Variants in WDFY4 observed in about 807,000 individuals in gnomAD.
WDFY4 encodes the protein WDFY family member 4.
In WDFY4, 169 loss-of-function variants were observed where a neutral mutation model predicts 351.9. The ratio of observed to expected loss-of-function variants is 0.48; its 90% CI spans 0.42 to 0.55. The LOEUF (loss-of-function observed/expected upper bound fraction) is 0.55. WDFY4 is among the 20% of genes least tolerant of loss of function. The pLI, the probability that WDFY4 is intolerant of heterozygous loss-of-function variation, is 0.00. For synonymous variants in WDFY4, 1,622 were observed against 1,574.6 expected (o/e 1.03, Z -0.71); for missense variants, 3,803 against 3,935.6 (o/e 0.97, Z 0.90).
At chr10:48,685,871 G>T (rs1045965022) in intron 1 of WDFY4, among the ~76,000 whole-genome samples, 2 of 145,608 alleles carry the variant, frequency 1.4e-5, no homozygotes, top group African/African-American at 5.0e-5. Context: ...GCGGACAGGG[G>T]TCTACGGTGC....
chr10:48,737,700 A>G (rs986644585), intron 11 of WDFY4, among the ~76,000 whole-genome samples: 3 of 152,386 alleles, frequency 2.0e-5, no homozygotes, highest in South Asian at 2.1e-4. Context: ...TACGAAACAA[A>G]AAAAGGAAAG....
In WDFY4 at chr10:48,982,503, C is replaced by T; in HGVS notation, c.9489-6C>T. The T allele has an allele frequency of 6.6e-7, 1 of 1,504,678 alleles. No individual in the cohort carries two copies. The highest frequency in any genetic ancestry group is 8.9e-7 in the Non-Finnish European group (1 of 1,121,950). The allele number at this position is 1,504,678 out of a possible 1,614,324, so 93.2% of individuals were successfully genotyped here. On this transcript the variant is annotated splice_polypyrimidine_tract_variant and splice_region_variant and intron_variant, in intron 61 of 61. Transcript: ENST00000325239. ...AACGTTCTTGTCTTTTCTTTCTCTT[C>T]CCAAGAAACCACACCAAACTCCTGG...
At chr10:48,694,434 C>T (rs1280430381) in intron 1 of WDFY4, among the ~76,000 whole-genome samples, 1 of 152,150 alleles carries the variant, frequency 6.6e-6, no homozygotes, top group Non-Finnish European at 1.5e-5. Flanking sequence ...CTCCAAAGCC[C>T]CTGCTTCTGT....
At chr10:48,687,526 G>A (rs1247454298) in intron 1 of WDFY4, among the ~76,000 whole-genome samples, 6 of 151,888 alleles carry the variant, frequency 4.0e-5, no homozygotes, top group African/African-American at 1.2e-4. Context: ...TGTGTATGGC[G>A]TGAGGTGGGA....
intron 30 of WDFY4, 65 bp downstream of exon 30, chr10:48,811,773 G>C: frequency 2.0e-6 from 3 of 1,497,940 alleles, no homozygotes; most frequent in Non-Finnish European, 2.7e-6. Context: ...ACTAAGGCAG[G>C]TCGCCAAGAC....
At chr10:48,811,744 G>T in intron 30 of WDFY4, 36 bp downstream of exon 30, 1 of 1,543,784 alleles carries the variant, frequency 6.5e-7, no homozygotes, top group Non-Finnish European at 8.8e-7. Flanking sequence ...TGACACACTT[G>T]GTTTTCTGAT....
intron 23 of WDFY4, among the ~76,000 whole-genome samples, chr10:48,791,164 A>G (rs2066665629): frequency 6.6e-6 from 1 of 152,244 alleles, no homozygotes; most frequent in Admixed American, 6.5e-5. Context: ...CTTTTCACTG[A>G]CAAATTCTAA....
chr10:48,766,158 A>G (rs2065663984), intron 13 of WDFY4, among the ~76,000 whole-genome samples: 1 of 152,228 alleles, frequency 6.6e-6, no homozygotes, highest in Non-Finnish European at 1.5e-5. Flanking sequence ...AACACATTGG[A>G]CATCCCAAAT....
intron 39 of WDFY4, among the ~76,000 whole-genome samples, chr10:48,834,850 G>C (rs1002831627): frequency 2.6e-5 from 4 of 152,118 alleles, no homozygotes; most frequent in African/African-American, 9.7e-5. Flanking sequence ...AGCTGCCTCC[G>C]AGTCCTGGGG....
chr10:48,852,222 G>T (rs1001257421), intron 39 of WDFY4, among the ~76,000 whole-genome samples: 1 of 152,134 alleles, frequency 6.6e-6, no homozygotes, highest in East Asian at 1.9e-4. Context: ...GAGATACACC[G>T]GGTGGAAATA....
At chr10:48,917,077 G>C (rs1838618495) in intron 47 of WDFY4, among the ~76,000 whole-genome samples, 1 of 152,112 alleles carries the variant, frequency 6.6e-6, no homozygotes, top group South Asian at 2.1e-4. Flanking sequence ...ACAGTAACAT[G>C]CTGTACAGGT....
At chr10:48,919,960 G>C (rs1838905183) in intron 47 of WDFY4, among the ~76,000 whole-genome samples, 2 of 152,118 alleles carry the variant, frequency 1.3e-5, no homozygotes, top group African/African-American at 4.8e-5. Flanking sequence ...ATAAGAAAGA[G>C]ATCTTCAGAC....
intron 39 of WDFY4, among the ~76,000 whole-genome samples, chr10:48,857,899 C>T (rs1227144335): frequency 6.6e-6 from 1 of 152,036 alleles, no homozygotes; most frequent in East Asian, 1.9e-4. Context: ...ACAAGCGATT[C>T]TCCTGCCTCA....
chr10:48,843,872 T>C (rs777640363), intron 39 of WDFY4, among the ~76,000 whole-genome samples: 2 of 152,114 alleles, frequency 1.3e-5, no homozygotes, highest in Non-Finnish European at 2.9e-5. Flanking sequence ...TTTTGTGTAT[T>C]CATCTAAATT....
intron 54 of WDFY4, among the ~76,000 whole-genome samples, chr10:48,966,039 C>T (rs1010881402): frequency 9.2e-5 from 14 of 151,984 alleles, no homozygotes; most frequent in African/African-American, 3.1e-4. Flanking sequence ...ATGGGATTTG[C>T]CTGTGTTCTT....
At chr10:48,917,589 A>G (rs956902334) in intron 47 of WDFY4, among the ~76,000 whole-genome samples, 3 of 152,250 alleles carry the variant, frequency 2.0e-5, no homozygotes, top group South Asian at 2.1e-4. Flanking sequence ...TGCTGGAAAC[A>G]TCATTTTTAA....
intron 39 of WDFY4, among the ~76,000 whole-genome samples, chr10:48,835,395 A>G (rs1437305112): frequency 6.6e-6 from 1 of 152,180 alleles, no homozygotes. Flanking sequence ...GCTCTGGGAA[A>G]GAGGATCAGG....
intron 47 of WDFY4, among the ~76,000 whole-genome samples, chr10:48,926,087 C>T (rs1456941478): frequency 6.6e-6 from 1 of 152,208 alleles, no homozygotes; most frequent in Non-Finnish European, 1.5e-5. Context: ...TCTCTCCTCC[C>T]TCTGTTGCCT....
At chr10:48,804,712 C>G in intron 25 of WDFY4, 1 of 985,000 alleles carries the variant, frequency 1.0e-6, no homozygotes, top group Non-Finnish European at 1.2e-6. Context: ...GATATTTATC[C>G]TGGGAGCTGT....
Sources: allele counts gnomAD v4.1 joint callset (sites outside exome capture counted in the v4.1 genomes callset), GRCh38; gene constraint gnomAD v4.1.1; transcripts MANE v1.5; gene names NCBI Gene and HGNC (gene_info 2026-07-23, HGNC 2026-07-21).